Variants in PTPRD observed in about 807,000 individuals in gnomAD.
PTPRD encodes the protein protein tyrosine phosphatase receptor type D, also known as receptor-type tyrosine-protein phosphatase delta.
In PTPRD, 34 loss-of-function variants were observed where a neutral mutation model predicts 214.5. That is an observed-to-expected ratio of 0.16 (90% CI 0.12 to 0.21). The LOEUF (loss-of-function observed/expected upper bound fraction) is 0.21, where lower values mean the gene tolerates loss of function less well. PTPRD is among the 10% of genes least tolerant of loss of function. The pLI is 1.00. For synonymous variants in PTPRD, 1,128 were observed against 845.7 expected (o/e 1.33, Z -5.79); for missense variants, 2,545 against 2,398.7 (o/e 1.06, Z -1.27).
chr9:9,464,589 A>G (rs2093972522), intron 8 of PTPRD, among the ~76,000 whole-genome samples: 1 of 152,100 alleles, frequency 6.6e-6, no homozygotes, highest in Non-Finnish European at 1.5e-5. Flanking sequence ...TGAATTTATG[A>G]AAGTTTCTGT....
chr9:10,579,464 G>A (rs1182751209), intron 2 of PTPRD, among the ~76,000 whole-genome samples: 1 of 152,152 alleles, frequency 6.6e-6, no homozygotes, highest in East Asian at 1.9e-4. Flanking sequence ...TTTTATGGCT[G>A]CATAGCATTT....
intron 10 of PTPRD, among the ~76,000 whole-genome samples, chr9:9,032,105 A>G (rs182719): frequency 0.84 from 128,045 of 151,740 alleles, 54,572 homozygotes; most frequent in Middle Eastern, 0.9. Context: ...TAAGGACAAC[A>G]GCATTTTTAC....
chr9:10,360,820 A>T (rs944166015), intron 2 of PTPRD, among the ~76,000 whole-genome samples: 30 of 152,118 alleles, frequency 2.0e-4, no homozygotes, highest in Non-Finnish European at 3.7e-4. Flanking sequence ...TTTGTCATTA[A>T]GGCCAGGCGC....
chr9:9,974,814 A>G (rs994259864), intron 4 of PTPRD, among the ~76,000 whole-genome samples: 1 of 152,174 alleles, frequency 6.6e-6, no homozygotes, highest in Non-Finnish European at 1.5e-5. Context: ...CACAGTAAAT[A>G]TTCGTTGAAT....
intron 14 of PTPRD, among the ~76,000 whole-genome samples, chr9:8,551,897 T>A (rs2082213494): frequency 6.6e-6 from 1 of 152,158 alleles, no homozygotes; most frequent in Admixed American, 6.5e-5. Flanking sequence ...CCTGTTCCAA[T>A]TAAAGAATGG....
intron 11 of PTPRD, among the ~76,000 whole-genome samples, chr9:8,766,388 G>A (rs561517817): frequency 3.3e-5 from 5 of 152,024 alleles, no homozygotes; most frequent in Admixed American, 6.6e-5. Context: ...GAGATGGGAC[G>A]GCATATTCTG....
chr9:8,388,092 C>G (rs561289721), intron 37 of PTPRD, among the ~76,000 whole-genome samples: 1 of 152,170 alleles, frequency 6.6e-6, no homozygotes, highest in Non-Finnish European at 1.5e-5. Context: ...TTTTGCTAAA[C>G]CAACCATTTA....
intron 3 of PTPRD, among the ~76,000 whole-genome samples, chr9:10,204,382 C>A (rs1412720249): frequency 6.6e-6 from 1 of 152,098 alleles, no homozygotes; most frequent in African/African-American, 2.4e-5. Context: ...GAAAAATCCT[C>A]TAAATACATA....
intron 2 of PTPRD, among the ~76,000 whole-genome samples, chr9:10,442,338 T>C (rs1426974510): frequency 6.6e-6 from 1 of 151,714 alleles, no homozygotes; most frequent in Admixed American, 6.6e-5. Flanking sequence ...GAATAGGTTT[T>C]AGTAGCACTT....
intron 5 of PTPRD, among the ~76,000 whole-genome samples, chr9:9,770,985 T>G (rs1441741370): frequency 6.6e-6 from 1 of 152,186 alleles, no homozygotes; most frequent in African/African-American, 2.4e-5. Flanking sequence ...ATCTTTCCTG[T>G]GTTTTGACTA....
chr9:9,556,212 T>G (rs190175323), intron 8 of PTPRD, among the ~76,000 whole-genome samples: 2 of 152,264 alleles, frequency 1.3e-5, no homozygotes, highest in African/African-American at 4.8e-5. Flanking sequence ...AGAAAATCAT[T>G]AGAAAGCGAA....
chr9:9,054,457 G>A (rs904706925), intron 10 of PTPRD, among the ~76,000 whole-genome samples: 3 of 152,026 alleles, frequency 2.0e-5, no homozygotes, highest in African/African-American at 7.3e-5. Flanking sequence ...TTATCATGAC[G>A]TTTACCAGTA....
At chr9:9,660,202 G>C (rs1364161917) in intron 7 of PTPRD, among the ~76,000 whole-genome samples, 1 of 151,834 alleles carries the variant, frequency 6.6e-6, no homozygotes, top group East Asian at 1.9e-4. Flanking sequence ...GAAACACCTG[G>C]GCATATAAGA....
intron 9 of PTPRD, among the ~76,000 whole-genome samples, chr9:9,325,968 C>T (rs9408757): frequency 0.75 from 114,429 of 152,038 alleles, 43,341 homozygotes; most frequent in East Asian, 0.91. Flanking sequence ...TTTTTGTCTT[C>T]GGTTCTGTTT....
intron 12 of PTPRD, among the ~76,000 whole-genome samples, chr9:8,708,499 C>A (rs901210601): frequency 6.6e-6 from 1 of 151,558 alleles, no homozygotes; most frequent in Non-Finnish European, 1.5e-5. Flanking sequence ...CATGGTGAAA[C>A]CCCGTCTCTA....
At chr9:10,405,814 G>C (rs928886986) in intron 2 of PTPRD, among the ~76,000 whole-genome samples, 1 of 151,284 alleles carries the variant, frequency 6.6e-6, no homozygotes, top group East Asian at 1.9e-4. Context: ...AAGGGAAGAC[G>C]ATAGGCATCA....
At chr9:9,119,126 C>G (rs1408814411) in intron 10 of PTPRD, among the ~76,000 whole-genome samples, 1 of 152,130 alleles carries the variant, frequency 6.6e-6, no homozygotes, top group Non-Finnish European at 1.5e-5. Flanking sequence ...TTAGTATGTC[C>G]TGCTGGGTTC....
At chr9:9,342,229 C>T (rs1264701733) in intron 9 of PTPRD, among the ~76,000 whole-genome samples, 1 of 152,168 alleles carries the variant, frequency 6.6e-6, no homozygotes, top group East Asian at 1.9e-4. Context: ...GCAATACTGT[C>T]ATGCTTTATA....
At chr9:9,445,718 A>G (rs1368959985) in intron 8 of PTPRD, among the ~76,000 whole-genome samples, 1 of 152,126 alleles carries the variant, frequency 6.6e-6, no homozygotes, top group African/African-American at 2.4e-5. Context: ...GTTACCTCCC[A>G]TGATTCCCTC....
Sources: allele counts gnomAD v4.1 joint callset (sites outside exome capture counted in the v4.1 genomes callset), GRCh38; gene constraint gnomAD v4.1.1; transcripts MANE v1.5; gene names NCBI Gene and HGNC (gene_info 2026-07-23, HGNC 2026-07-21).